CFAP161: variants seen among roughly 807,000 people sequenced by gnomAD.
The protein encoded by CFAP161 is cilia and flagella associated protein 161, also known as cilia- and flagella-associated protein 161.
CFAP161 carries 25 observed loss-of-function variants against 29.0 expected under a neutral mutation model. The ratio of observed to expected loss-of-function variants is 0.86; its 90% CI spans 0.63 to 1.20. The LOEUF is 1.20. CFAP161 is among the 50% of genes most tolerant of loss of function. The pLI is 0.00. For missense variants in CFAP161, 367 were observed against 371.9 expected, an observed-to-expected ratio of 0.99 and a Z score of 0.11; for synonymous variants, 116 against 137.4, an observed-to-expected ratio of 0.84 and a Z score of 1.09.
chr15:81,107,594 G>A (rs1894387539), intron 1 of CFAP161, among the ~76,000 whole-genome samples: 1 of 152,052 alleles, frequency 6.6e-6, no homozygotes, highest in Non-Finnish European at 1.5e-5. Context: ...GTGTAGTGGC[G>A]TGTGCCTGTA....
At position 81,119,568 on chromosome 15, in the gene CFAP161, C is replaced by T. The variant is rs534096132; in HGVS notation, c.-141-8022C>T. Among the ~76,000 whole-genome samples the T allele has an allele frequency of 3.3e-5, 5 of 152,212 alleles. No individual in the cohort carries two copies. In the South Asian group the frequency reaches 1.0e-3, roughly 32 times the overall value. Reference sequence around the variant, plus strand: ...CTGAAAGAAGATCCAGCACCACTTACCATTTGGCAATGGCTCCCATACAAT... The same window carrying T: ...CTGAAAGAAGATCCAGCACCACTTATCATTTGGCAATGGCTCCCATACAAT... On this transcript the variant is annotated intron_variant, in intron 1 of 4. Coordinates refer to the CFAP161 transcript ENST00000560091.
At chr15:81,128,816 A>G (rs1894672857) in intron 2 of CFAP161, among the ~76,000 whole-genome samples, 1 of 152,104 alleles carries the variant, frequency 6.6e-6, no homozygotes, top group African/African-American at 2.4e-5. Flanking sequence ...TTAAAAATGT[A>G]TTTATTGGCT....
chr15:81,125,251 A>T (rs961968405), intron 1 of CFAP161, among the ~76,000 whole-genome samples: 20 of 152,192 alleles, frequency 1.3e-4, no homozygotes, highest in African/African-American at 4.6e-4. Flanking sequence ...TTATTTCCCT[A>T]TTAATCATTT....
rs1894772959 is a variant in CFAP161, at chr15:81,134,406, G to T, written c.69+8G>T. ...GATGTCTACCTGGAGGAGGTACGCA[G>T]GGTGTGGCCAGGCGCAGACCCGCAG... is the stretch of plus-strand genomic sequence containing the variant. On this transcript the variant is annotated splice_region_variant and intron_variant, in intron 1 of 6. Coordinates refer to ENST00000286732, the MANE Select transcript of CFAP161 (RefSeq NM_173528.4). 1.3e-6 allele frequency: 2 copies of T among 1,577,948 alleles called. No individual in the cohort carries two copies. Among genetic ancestry groups the T allele is most frequent in the South Asian group, 1.2e-5 (1 of 85,754 alleles).
intron 4 of CFAP161, among the ~76,000 whole-genome samples, chr15:81,142,236 A>G (rs1894922749): frequency 6.6e-6 from 1 of 151,680 alleles, no homozygotes; most frequent in Admixed American, 6.6e-5. Context: ...ACTTCAGACC[A>G]TACTAGACAG....
At chr15:81,101,700 C>T (rs1894306283) in intron 1 of CFAP161, among the ~76,000 whole-genome samples, 1 of 151,994 alleles carries the variant, frequency 6.6e-6, no homozygotes, top group Non-Finnish European at 1.5e-5. Flanking sequence ...ACTCAAAGAG[C>T]CAGCCAGTGC....
chr15:81,102,073 A>T (rs1045947225), intron 1 of CFAP161, among the ~76,000 whole-genome samples: 1 of 152,202 alleles, frequency 6.6e-6, no homozygotes, highest in Non-Finnish European at 1.5e-5. Context: ...CATTCCCTGG[A>T]ATTGAGCCAA....
At chr15:81,121,640 G>T (rs1191469427) in intron 1 of CFAP161, among the ~76,000 whole-genome samples, 2 of 152,050 alleles carry the variant, frequency 1.3e-5, no homozygotes, top group Non-Finnish European at 2.9e-5. Context: ...TGACTTGTCT[G>T]TTACATATCA....
intron 1 of CFAP161, among the ~76,000 whole-genome samples, chr15:81,102,642 T>C (rs1894316814): frequency 6.6e-6 from 1 of 152,242 alleles, no homozygotes; most frequent in South Asian, 2.1e-4. Flanking sequence ...CCCTCCAGCC[T>C]GGGCAACAGA....
intron 1 of CFAP161, among the ~76,000 whole-genome samples, chr15:81,110,276 G>A (rs1341148703): frequency 6.6e-6 from 1 of 152,098 alleles, no homozygotes; most frequent in African/African-American, 2.4e-5. Context: ...TTAAAAGGGG[G>A]CAAAAATTTA....
chr15:81,113,414 T>G (rs1034621469), intron 1 of CFAP161, among the ~76,000 whole-genome samples: 4 of 152,134 alleles, frequency 2.6e-5, no homozygotes, highest in African/African-American at 4.8e-5. Flanking sequence ...TAGTGTCAGA[T>G]TTCACAGGCT....
At chr15:81,129,600 G>A (rs957440117), upstream of CFAP161, among the ~76,000 whole-genome samples, 4 of 152,188 alleles carry the variant, frequency 2.6e-5, no homozygotes, top group Non-Finnish European at 2.9e-5. Context: ...GGAATTATGG[G>A]AGCTACAATT....
chr15:81,134,966 G>A (rs2048271), intron 1 of CFAP161, among the ~76,000 whole-genome samples: 80,384 of 152,072 alleles, frequency 0.53, 23,794 homozygotes, highest in Non-Finnish European at 0.68. Flanking sequence ...GTCATCATAC[G>A]GTCAAGGGAA....
At chr15:81,137,261 A>G (rs1400852878) in intron 3 of CFAP161, among the ~76,000 whole-genome samples, 1 of 152,212 alleles carries the variant, frequency 6.6e-6, no homozygotes, top group Non-Finnish European at 1.5e-5. Flanking sequence ...ATTAAAAACT[A>G]TTACTAATTC....
chr15:81,146,476 A>G (rs1029476920), intron 5 of CFAP161, among the ~76,000 whole-genome samples: 5 of 152,122 alleles, frequency 3.3e-5, no homozygotes, highest in African/African-American at 1.2e-4. Flanking sequence ...ATCATTGACC[A>G]TATCTTGTGT....
chr15:81,140,743 ATTAT>A (rs936127498), intron 4 of CFAP161, among the ~76,000 whole-genome samples: 4 of 151,588 alleles, frequency 2.6e-5, no homozygotes, highest in African/African-American at 4.8e-5. Context: ...AAATTTATTT[ATTAT>A]TTATTTATTT....
intron 1 of CFAP161, among the ~76,000 whole-genome samples, chr15:81,120,918 A>G (rs1247712067): frequency 6.6e-6 from 1 of 152,250 alleles, no homozygotes; most frequent in African/African-American, 2.4e-5. Flanking sequence ...GAAGATGGCT[A>G]TTAAAGAAAC....
chr15:81,142,829 G>A lies in CFAP161; in HGVS notation c.478-833G>A, dbSNP rs532884192. On this transcript the variant is annotated intron_variant, in intron 4 of 6. Transcript: ENST00000286732. ...AACATTTTGGACTTTTCAGCAGGAT[G>A]GGGGTTGTTTCCTGGCAAGGTTACA... Among the ~76,000 whole-genome samples, 35 of 152,304 alleles carry A rather than the reference G, an allele frequency of 2.3e-4. No homozygotes were observed. In the South Asian group the frequency reaches 5.2e-3, roughly 23 times the overall value.
chr15:81,125,421 T>A (rs1176406716), intron 1 of CFAP161, among the ~76,000 whole-genome samples: 3 of 152,224 alleles, frequency 2.0e-5, no homozygotes, highest in Non-Finnish European at 4.4e-5. Context: ...AACAGATAAT[T>A]CTGTTTTAGG....
Sources: gnomAD v4.1 joint callset for allele counts (sites outside exome capture counted in the v4.1 genomes callset) on GRCh38, gnomAD v4.1.1 for gene constraint, MANE v1.5 for transcripts, NCBI Gene and HGNC (gene_info 2026-07-23, HGNC 2026-07-21) for gene names.